Variants in TMEM178B observed in about 807,000 individuals in gnomAD.
TMEM178B encodes transmembrane protein 178B.
TMEM178B carries 5 observed loss-of-function variants against 31.0 expected under a neutral mutation model. The observed-to-expected ratio is 0.16, with a 90% CI of 0.08 to 0.34. The LOEUF (loss-of-function observed/expected upper bound fraction) is 0.34, where lower values mean the gene tolerates loss of function less well. TMEM178B is among the 10% of genes least tolerant of loss of function. The pLI is 1.00. For missense variants in TMEM178B, 275 were observed against 400.3 expected, an observed-to-expected ratio of 0.69 and a Z score of 2.67; for synonymous variants, 164 against 164.0, an observed-to-expected ratio of 1.00 and a Z score of 0.00.
At chr7:141,088,334 T>C (rs1794822285) in intron 1 of TMEM178B, among the ~76,000 whole-genome samples, 3 of 152,058 alleles carry the variant, frequency 2.0e-5, no homozygotes, top group Admixed American at 2.0e-4. Context: ...ATCCCCCTCC[T>C]GAGACTGCTC....
At chr7:141,307,944 G>GAATAC (rs1798842354) in intron 2 of TMEM178B, among the ~76,000 whole-genome samples, 1 of 152,218 alleles carries the variant, frequency 6.6e-6, no homozygotes, top group South Asian at 2.1e-4. Context: ...TTGAATGAAT[G>GAATAC]AATACAAGTG....
intron 2 of TMEM178B, among the ~76,000 whole-genome samples, chr7:141,216,691 C>G (rs540988613): frequency 7.2e-5 from 11 of 152,132 alleles, no homozygotes; most frequent in Non-Finnish European, 1.5e-4. Context: ...CGCCTTCTCA[C>G]CCTGGGAAAA....
intron 2 of TMEM178B, among the ~76,000 whole-genome samples, chr7:141,332,250 A>T (rs1014403857): frequency 2.0e-5 from 3 of 152,220 alleles, no homozygotes; most frequent in African/African-American, 7.2e-5. Flanking sequence ...AAATATTTTT[A>T]ACTCTCATTC....
chr7:141,098,012 G>A (rs541654789), intron 1 of TMEM178B, among the ~76,000 whole-genome samples: 7 of 151,806 alleles, frequency 4.6e-5, no homozygotes, highest in African/African-American at 7.2e-5. Flanking sequence ...GGCTGGTCTC[G>A]AACTCCTGGG....
the TMEM178B span, among the ~76,000 whole-genome samples, chr7:141,506,801 C>G: frequency 6.6e-6 from 1 of 152,318 alleles, no homozygotes; most frequent in Middle Eastern, 3.4e-3. Context: ...CAAGTCCCTT[C>G]CGCCTATGAG....
At position 141,472,261 on chromosome 7, in the gene TMEM178B, A is replaced by T. The variant is rs1429630598; in HGVS notation, c.*1475A>T. On this transcript the variant is annotated 3_prime_UTR_variant, in exon 4 of 4. Coordinates refer to ENST00000565468, the MANE Select transcript of TMEM178B (RefSeq NM_001195278.2). ...GGCTCAAGTTTGTATGATATTGTGTAAATTAATGCAGAACTCTTGACTCTT... is the reference window on the plus strand; with the variant it reads ...GGCTCAAGTTTGTATGATATTGTGTTAATTAATGCAGAACTCTTGACTCTT... The T allele has an allele frequency of 6.6e-6, 1 of 152,164 alleles. No homozygotes were observed. Among genetic ancestry groups the T allele is most frequent in the Non-Finnish European group, 1.5e-5 (1 of 68,044 alleles). The allele number at this position is 152,164 out of a possible 1,614,324, so 9.4% of individuals were successfully genotyped here.
the TMEM178B span, among the ~76,000 whole-genome samples, chr7:141,508,433 C>T: frequency 6.6e-6 from 1 of 152,334 alleles, no homozygotes; most frequent in South Asian, 2.1e-4. Context: ...TTCCTCTGAG[C>T]CCTCCAAACT....
chr7:141,325,794 CTT>C (rs1448160331), intron 2 of TMEM178B, among the ~76,000 whole-genome samples: 2 of 149,308 alleles, frequency 1.3e-5, no homozygotes, highest in South Asian at 2.1e-4. Flanking sequence ...AGATAGATGA[CTT>C]TGATTAGTCA....
At chr7:141,364,439 T>G (rs570599479) in intron 2 of TMEM178B, among the ~76,000 whole-genome samples, 1 of 152,110 alleles carries the variant, frequency 6.6e-6, no homozygotes, top group East Asian at 1.9e-4. Flanking sequence ...GGTGGGCGGA[T>G]CCTGAGGTCA....
At chr7:141,142,626 C>T (rs911978526) in intron 1 of TMEM178B, among the ~76,000 whole-genome samples, 4 of 152,130 alleles carry the variant, frequency 2.6e-5, no homozygotes, top group African/African-American at 9.7e-5. Flanking sequence ...CCAGGATGGT[C>T]TCGATCTCCT....
intron 1 of TMEM178B, among the ~76,000 whole-genome samples, chr7:141,077,212 A>C (rs182053224): frequency 2.6e-4 from 40 of 152,384 alleles, no homozygotes; most frequent in Non-Finnish European, 5.4e-4. Context: ...TGTTTATCTC[A>C]CATTATTCAT....
rs557212752 is a variant in TMEM178B, at chr7:141,304,197, G to A, written c.496+91493G>A. ...TGGTTCGATTTTTTAAAAGCACTAC[G>A]TATTTCTCCTTTTTATCTTCCCACC... is the stretch of plus-strand genomic sequence containing the variant. On this transcript the variant is annotated intron_variant, in intron 2 of 3. Coordinates refer to ENST00000565468, the MANE Select transcript of TMEM178B (RefSeq NM_001195278.2). Among the ~76,000 whole-genome samples the A allele has an allele frequency of 1.4e-4, 22 of 152,218 alleles. No homozygotes were observed. In the East Asian group the frequency reaches 1.9e-3, roughly 13 times the overall value.
At chr7:141,253,306 G>T (rs1797865410) in intron 2 of TMEM178B, among the ~76,000 whole-genome samples, 1 of 152,114 alleles carries the variant, frequency 6.6e-6, no homozygotes, top group Admixed American at 6.6e-5. Context: ...AACTCCCTCT[G>T]AGCATGCCCA....
chr7:141,262,748 T>C (rs1012861433), intron 2 of TMEM178B, among the ~76,000 whole-genome samples: 2 of 152,062 alleles, frequency 1.3e-5, no homozygotes, highest in African/African-American at 4.8e-5. Context: ...AAGCCAAATA[T>C]TAGGCGTAAG....
intron 2 of TMEM178B, among the ~76,000 whole-genome samples, chr7:141,411,263 G>A (rs902051367): frequency 2.6e-5 from 4 of 152,142 alleles, no homozygotes; most frequent in Admixed American, 1.3e-4. Flanking sequence ...GAGGCTAGGG[G>A]TTGAGGAGAA....
rs541330728 is a variant in TMEM178B at position 141,214,947 on chromosome 7, TG to T, written c.496+2246del. Among the ~76,000 whole-genome samples the T allele has an allele frequency of 2.1e-3, 323 of 152,286 alleles. 1 individual carries two copies. Among genetic ancestry groups the T allele is most frequent in the Admixed American group, 3.3e-3 (51 of 15,288 alleles). On this transcript the variant is annotated intron_variant, in intron 2 of 3. Transcript: ENST00000565468. ...CTGCCTCTTTCACAAAGCCGCCTAA[TG>T]GGCTGTTAAGCAGAGAGAGGGAACA...
chr7:141,227,960 C>T (rs1797373399), intron 2 of TMEM178B, among the ~76,000 whole-genome samples: 1 of 152,116 alleles, frequency 6.6e-6, no homozygotes, highest in Admixed American at 6.6e-5. Context: ...AGCAAGATTT[C>T]CTTGAAGTGT....
chr7:141,454,538 C>CTCTCCTCT (rs1801925800), intron 3 of TMEM178B, among the ~76,000 whole-genome samples: 1 of 150,078 alleles, frequency 6.7e-6, no homozygotes, highest in African/African-American at 2.4e-5. Flanking sequence ...TCCTTTCCTC[C>CTCTCCTCT]TCTCCTCTTC....
At chr7:141,229,100 G>GGTGT (rs3035765) in intron 2 of TMEM178B, among the ~76,000 whole-genome samples, 2,060 of 134,818 alleles carry the variant, frequency 0.015, 42 homozygotes, top group Admixed American at 0.06. Context: ...GTGTGTGTGT[G>GGTGT]GTGTGTGTGT....
Sources: gnomAD v4.1 joint callset for allele counts (sites outside exome capture counted in the v4.1 genomes callset) on GRCh38, gnomAD v4.1.1 for gene constraint, MANE v1.5 for transcripts, NCBI Gene and HGNC (gene_info 2026-07-23, HGNC 2026-07-21) for gene names.